ZNF846: variants seen among roughly 807,000 people sequenced by gnomAD.
The protein encoded by ZNF846 is zinc finger protein 420 pseudogene.
A neutral mutation model predicts 16.0 loss-of-function variants in ZNF846; 15 were observed. That is an observed-to-expected ratio of 0.94 (90% confidence interval 0.63 to 1.45). The LOEUF (loss-of-function observed/expected upper bound fraction) is 1.45. Among genes scored for constraint, ZNF846 ranks in the 40% most tolerant of loss-of-function variants. ZNF846 has a pLI of 0.00. For missense variants in ZNF846, 714 were observed against 622.3 expected, an observed-to-expected ratio of 1.15 and a Z score of -1.57; for synonymous variants, 229 against 212.0, an observed-to-expected ratio of 1.08 and a Z score of -0.70.
chr19:9,782,668 T>G (rs150084410), intron 1 of ZNF846, among the ~76,000 whole-genome samples: 1,940 of 152,306 alleles, frequency 0.013, 21 homozygotes, highest in Non-Finnish European at 0.019. Flanking sequence ...CCAACTAAAT[T>G]TAGATTGTTA....
exon 5 of ZNF846, chr19:9,759,873 T>C (rs1434195610): frequency 1.2e-6 from 2 of 1,611,476 alleles, no homozygotes; most frequent in African/African-American, 1.3e-5. Context: ...TTGTACTCCA[T>C]TTGGTGATCT....
At chr19:9,774,451 G>C in intron 1 of ZNF846, 8 of 740,116 alleles carry the variant, frequency 1.1e-5, no homozygotes, top group South Asian at 3.0e-5. Flanking sequence ...CTGGGCAACA[G>C]AGCAAGACTC....
chr19:9,785,189 C>G (rs1020415019), intron 1 of ZNF846, among the ~76,000 whole-genome samples: 7 of 151,636 alleles, frequency 4.6e-5, no homozygotes, highest in African/African-American at 1.7e-4. Flanking sequence ...CCTGTCTCCC[C>G]CTTCACCGAG....
Position 9,763,337 on chromosome 19 carries a change from C to G in ZNF846, c.87G>C (p.Gln29His), listed in dbSNP as rs3745576. The stretch of plus-strand genomic sequence containing the variant: ...ACATCACATCTCTGTAGAGATCTCT[C>G]TGGGCTTGATCCAACAAAGTCCACT... The change falls in exon 3 of 6, where the codon CAG becomes CAC. Residue 29 changes from glutamine (Q) to histidine (H), a missense_variant. Physicochemically the swap from Gln to His is conservative, Grantham distance 24. Coordinates refer to ENST00000397902, the Ensembl canonical transcript of ZNF846. The G allele has an allele frequency of 3.4e-5, 55 of 1,611,946 alleles. 1 individual carries two copies. In the East Asian group the frequency reaches 1.2e-3, roughly 35 times the overall value.
upstream of ZNF846, among the ~76,000 whole-genome samples, chr19:9,769,246 G>A (rs2045367512): frequency 1.3e-5 from 2 of 152,002 alleles, no homozygotes; most frequent in South Asian, 4.1e-4. Context: ...ATCACGCCCA[G>A]CTAAGTTATC....
At chr19:9,749,774 C>T (rs2045070018), downstream of ZNF846, among the ~76,000 whole-genome samples, 1 of 152,150 alleles carries the variant, frequency 6.6e-6, no homozygotes, top group South Asian at 2.1e-4. Context: ...GCTACCTCTC[C>T]TGTCTCCCTA....
chr19:9,783,542 A>AT (rs61553274), intron 1 of ZNF846, among the ~76,000 whole-genome samples: 1,279 of 118,030 alleles, frequency 0.011, 9 homozygotes, highest in Admixed American at 0.034. Flanking sequence ...AAAAAAAAAA[A>AT]AAATATATAT....
intron 1 of ZNF846, 54 bp from the exon 2 acceptor site, chr19:9,765,089 C>A: frequency 1.0e-6 from 1 of 969,424 alleles, no homozygotes; most frequent in Non-Finnish European, 1.6e-6. Flanking sequence ...AAAAGTATTT[C>A]AGGCTAGGCA....
chr19:9,779,565 A>G (rs1026461325), intron 1 of ZNF846, among the ~76,000 whole-genome samples: 26 of 133,462 alleles, frequency 1.9e-4, no homozygotes, highest in African/African-American at 7.3e-4. Context: ...ACTGCACCCC[A>G]CCAGAATTTT....
chr19:9,759,608 T>C (rs1205399643), intron 5 of ZNF846, among the ~76,000 whole-genome samples: 1 of 151,484 alleles, frequency 6.6e-6, no homozygotes. Context: ...GTCTCAAAAA[T>C]AATAATAAAG....
At position 9,776,296 on chromosome 19, in the gene ZNF846, C is replaced by G. The variant is rs192194478; in HGVS notation, c.-86+9642G>C. On this transcript the variant is annotated intron_variant, in intron 1 of 4. Transcript: ENST00000586814. ...TGCCCACTGTTATCTGGAGGCCCAA[C>G]CGTCTCCCTGTGATGCTGTGCTTCA... is the stretch of plus-strand genomic sequence containing the variant. Among the ~76,000 whole-genome samples the G allele has an allele frequency of 3.9e-5, 6 of 152,312 alleles. No homozygotes were observed. In the East Asian group the frequency reaches 7.7e-4, roughly 20 times the overall value.
exon 6 of ZNF846, chr19:9,757,704 G>C: frequency 5.0e-6 from 8 of 1,613,330 alleles, no homozygotes; most frequent in Non-Finnish European, 6.8e-6. Flanking sequence ...ACGAGCAAAT[G>C]CTTTACCGCA....
chr19:9,765,057 T>C, intron 1 of ZNF846, 22 bp from the exon 2 acceptor site: 2 of 1,237,700 alleles, frequency 1.6e-6, no homozygotes, highest in Non-Finnish European at 2.4e-6. Context: ...AATAATGGCA[T>C]GTCAGTTGGA....
upstream of ZNF846, among the ~76,000 whole-genome samples, chr19:9,769,486 C>T (rs957773802): frequency 2.6e-5 from 4 of 152,140 alleles, no homozygotes; most frequent in Non-Finnish European, 5.9e-5. Context: ...CCACCTTGGC[C>T]TCCCAAAGTG....
Position 9,763,359 on chromosome 19 carries a change from C to T in ZNF846, c.65G>A (p.Trp22Ter). The T allele has an allele frequency of 4.3e-6, 7 of 1,611,572 alleles. No individual in the cohort carries two copies. The highest frequency in any genetic ancestry group is 5.9e-6 in the Non-Finnish European group (7 of 1,178,482). Residue 22 changes from tryptophan to a stop codon, truncating the protein, a stop_gained, in exon 3 of 6, where the codon TGG becomes TAG. Coordinates refer to ENST00000397902, the Ensembl canonical transcript of ZNF846. LOFTEE classifies it high-confidence loss of function. ...TCTCTGGGCTTGATCCAACAAAGTC[C>T]ACTCCTCCTGGGTAAAGTCCACAGC...
At chr19:9,757,958 T>C (rs1371337954) in exon 6 of ZNF846, 3 of 1,613,696 alleles carry the variant, frequency 1.9e-6, no homozygotes, top group East Asian at 2.2e-5. Context: ...GAGTAAAAGC[T>C]TTCCCACATG....
At chr19:9,750,100 C>A (rs1174393189), downstream of ZNF846, among the ~76,000 whole-genome samples, 1 of 152,158 alleles carries the variant, frequency 6.6e-6, no homozygotes, top group Non-Finnish European at 1.5e-5. Flanking sequence ...AAGCCACACA[C>A]ACTACCAAAC....
chr19:9,784,382 T>C (rs925632238), intron 1 of ZNF846, among the ~76,000 whole-genome samples: 1 of 152,198 alleles, frequency 6.6e-6, no homozygotes, highest in Non-Finnish European at 1.5e-5. Flanking sequence ...TGGATGTGCA[T>C]GTAGGCCAGA....
intron 1 of ZNF846, among the ~76,000 whole-genome samples, chr19:9,765,275 C>T (rs751336750): frequency 7.9e-5 from 12 of 152,000 alleles, no homozygotes; most frequent in Admixed American, 5.2e-4. Context: ...CTCGGGAGGC[C>T]GAGGTGGGGG....
Sources: gnomAD v4.1 joint callset for allele counts (sites outside exome capture counted in the v4.1 genomes callset) on GRCh38, gnomAD v4.1.1 for gene constraint, MANE v1.5 for transcripts, NCBI Gene and HGNC (gene_info 2026-07-23, HGNC 2026-07-21) for gene names.